The following PTPRT variants were observed in gnomAD, a reference collection of about 807,000 sequenced individuals.
PTPRT encodes receptor-type tyrosine-protein phosphatase T.
Under a neutral mutation model 176.8 loss-of-function variants are expected in PTPRT, and 56 were observed. That is an observed-to-expected ratio of 0.32 (90% CI 0.26 to 0.40). The LOEUF (loss-of-function observed/expected upper bound fraction) is 0.40. Among genes scored for constraint, PTPRT ranks in the 10% least tolerant of loss-of-function variants. The pLI is 1.00. For missense variants in PTPRT, 1,540 were observed against 1,908.2 expected, an observed-to-expected ratio of 0.81 and a Z score of 3.60; for synonymous variants, 783 against 739.0, an observed-to-expected ratio of 1.06 and a Z score of -0.96.
chr20:42,940,756 C>T (rs2145991773), intron 1 of PTPRT, among the ~76,000 whole-genome samples: 1 of 152,220 alleles, frequency 6.6e-6, no homozygotes, highest in East Asian at 1.9e-4. Flanking sequence ...TTTTATCTTC[C>T]CATGAAGCTG....
intron 2 of PTPRT, among the ~76,000 whole-genome samples, chr20:42,805,521 C>G (rs554651158): frequency 2.0e-5 from 3 of 152,260 alleles, no homozygotes; most frequent in Admixed American, 1.3e-4. Context: ...CCCGGGAGTA[C>G]AGCTGTGAAC....
At chr20:42,488,571 C>T (rs1030424457) in intron 7 of PTPRT, among the ~76,000 whole-genome samples, 2 of 152,140 alleles carry the variant, frequency 1.3e-5, no homozygotes, top group African/African-American at 4.8e-5. Context: ...ATCCTTTGCA[C>T]AATCATCTAC....
intron 7 of PTPRT, among the ~76,000 whole-genome samples, chr20:42,560,996 A>G (rs2072943117): frequency 2.0e-5 from 3 of 152,160 alleles, no homozygotes; most frequent in Non-Finnish European, 4.4e-5. Context: ...CTCCTGGGGA[A>G]CAGAAGGTCT....
chr20:42,601,759 A>G (rs2073786113), intron 7 of PTPRT, among the ~76,000 whole-genome samples: 1 of 152,238 alleles, frequency 6.6e-6, no homozygotes. Context: ...AAATTAATGA[A>G]TAAATAAATG....
chr20:42,680,903 G>A lies in PTPRT; in HGVS notation c.860-2744C>T, dbSNP rs185811525. On this transcript the variant is annotated intron_variant, in intron 6 of 30. Coordinates refer to ENST00000373187, the MANE Select transcript of PTPRT (RefSeq NM_007050.6). ...ATGACTTGCGACTTCACACATTTGT[G>A]TGCAGATTAGCCTCACGGTTATCTC... Among the ~76,000 whole-genome samples, 44 of 152,294 alleles carry A rather than the reference G, an allele frequency of 2.9e-4. No homozygotes were observed. In the East Asian group the frequency reaches 8.1e-3, roughly 28 times the overall value.
Position 42,409,481 on chromosome 20 carries a change from CAAAAAAAAAAAAAAAAAAAA to C in PTPRT, c.1560+38719_1560+38738del, listed in dbSNP as rs58932390. Among the ~76,000 whole-genome samples, 62 of 112,170 alleles carry C rather than the reference CAAAAAAAAAAAAAAAAAAAA, an allele frequency of 5.5e-4. 2 individuals are homozygous for C. Among genetic ancestry groups the C allele is most frequent in the African/African-American group, 2.1e-3 (58 of 27,470 alleles). The allele number at this position is 112,170 out of a possible 152,430, so 73.6% of individuals were successfully genotyped here. ...TGGGCAACAGAACGAGACTCTGTCG[CAAAAAAAAAAAAAAAAAAAA>C]AAAAAAAAAAAAAAAAAGTATTATT... On this transcript the variant is annotated intron_variant, in intron 9 of 30. Transcript: ENST00000373187.
chr20:42,143,625 C>T (rs1467261892), intron 17 of PTPRT, among the ~76,000 whole-genome samples: 6 of 151,608 alleles, frequency 4.0e-5, no homozygotes, highest in Non-Finnish European at 5.9e-5. Flanking sequence ...ACTCTTAGAC[C>T]GTGGTGGTGG....
chr20:43,022,289 C>T (rs188191370), intron 1 of PTPRT, among the ~76,000 whole-genome samples: 15 of 152,224 alleles, frequency 9.9e-5, no homozygotes, highest in Admixed American at 3.9e-4. Context: ...AAGATTAGAA[C>T]GCCCTGGATT....
At chr20:42,715,156 T>A (rs889030617) in intron 6 of PTPRT, among the ~76,000 whole-genome samples, 1 of 152,168 alleles carries the variant, frequency 6.6e-6, no homozygotes, top group African/African-American at 2.4e-5. Context: ...AATGACAGTT[T>A]CAGAAGGACA....
At chr20:42,370,516 T>A (rs377320834) in intron 9 of PTPRT, among the ~76,000 whole-genome samples, 4 of 152,278 alleles carry the variant, frequency 2.6e-5, no homozygotes, top group Admixed American at 6.5e-5. Context: ...GAGGCAACTG[T>A]CTTCAGTGAT....
chr20:42,766,546 A>C (rs1374188224), intron 5 of PTPRT, among the ~76,000 whole-genome samples: 1 of 152,174 alleles, frequency 6.6e-6, no homozygotes, highest in Non-Finnish European at 1.5e-5. Context: ...AAGTTTCCAG[A>C]GGGGTGCAAA....
At chr20:42,154,997 T>C (rs1234466744) in intron 17 of PTPRT, among the ~76,000 whole-genome samples, 2 of 152,180 alleles carry the variant, frequency 1.3e-5, no homozygotes, top group African/African-American at 2.4e-5. Flanking sequence ...TGGCAGAGCA[T>C]GCCAGGGGAT....
intron 1 of PTPRT, among the ~76,000 whole-genome samples, chr20:42,904,552 G>A (rs1188639633): frequency 6.6e-6 from 1 of 152,184 alleles, no homozygotes; most frequent in Non-Finnish European, 1.5e-5. Flanking sequence ...ACCTTCCACA[G>A]AATTGAAAAC....
At chr20:43,082,245 G>T (rs1387576519) in intron 1 of PTPRT, among the ~76,000 whole-genome samples, 4 of 152,084 alleles carry the variant, frequency 2.6e-5, no homozygotes, top group Non-Finnish European at 5.9e-5. Context: ...TGTAACCACT[G>T]ATACTGCAGG....
chr20:42,683,194 C>T (rs1159783209), intron 6 of PTPRT, among the ~76,000 whole-genome samples: 3 of 152,222 alleles, frequency 2.0e-5, no homozygotes, highest in African/African-American at 7.2e-5. Context: ...GACAGAAACA[C>T]GGTTGTGCCA....
chr20:42,806,000 A>G (rs1015391325), intron 2 of PTPRT, among the ~76,000 whole-genome samples: 8 of 143,428 alleles, frequency 5.6e-5, no homozygotes, highest in African/African-American at 1.9e-4. Flanking sequence ...TAATATAGGG[A>G]AGATTTTTTT....
intron 8 of PTPRT, among the ~76,000 whole-genome samples, chr20:42,467,115 G>T (rs6030265): frequency 7.2e-5 from 11 of 151,986 alleles, no homozygotes; most frequent in African/African-American, 2.4e-4. Flanking sequence ...AAAGAAGAAG[G>T]CTAACTAGTA....
intron 7 of PTPRT, among the ~76,000 whole-genome samples, chr20:42,635,585 T>C (rs1056739170): frequency 6.6e-6 from 1 of 152,166 alleles, no homozygotes; most frequent in African/African-American, 2.4e-5. Flanking sequence ...CTGCTTGTAA[T>C]AGGAGTCACA....
intron 21 of PTPRT, 89 bp downstream of exon 21, chr20:42,118,314 G>A (rs183476883): frequency 5.1e-4 from 592 of 1,163,418 alleles, no homozygotes; most frequent in Middle Eastern, 1.9e-3. Flanking sequence ...TACTGACTAG[G>A]AGGCACTTAG....
Sources: gnomAD v4.1 joint callset for allele counts (sites outside exome capture counted in the v4.1 genomes callset) on GRCh38, gnomAD v4.1.1 for gene constraint, MANE v1.5 for transcripts, NCBI Gene and HGNC (gene_info 2026-07-23, HGNC 2026-07-21) for gene names.